PSMD7: variants seen among roughly 807,000 people sequenced by gnomAD.
The protein encoded by PSMD7 is proteasome 26S subunit, non-ATPase 7.
Under a neutral mutation model 36.4 loss-of-function variants are expected in PSMD7, and 13 were observed. The observed-to-expected ratio is 0.36, with a 90% CI of 0.23 to 0.57. The LOEUF (loss-of-function observed/expected upper bound fraction) is 0.57. Among genes scored for constraint, PSMD7 ranks in the 20% least tolerant of loss-of-function variants. The pLI is 0.83. For synonymous variants in PSMD7, 186 were observed against 151.0 expected (o/e 1.23, Z -1.70); for missense variants, 298 against 393.6 (o/e 0.76, Z 2.06).
intron 2 of PSMD7, 182 bp downstream of exon 2, chr16:74,300,388 G>T: frequency 1.6e-6 from 1 of 616,132 alleles, no homozygotes; most frequent in East Asian, 2.8e-5. Flanking sequence ...TAAACTTGCA[G>T]GCCATGTGGT....
chr16:74,301,686 A>T, intron 4 of PSMD7, 34 bp downstream of exon 4: 1 of 1,561,902 alleles, frequency 6.4e-7, no homozygotes, highest in Non-Finnish European at 8.8e-7. Flanking sequence ...CTCTTGAATG[A>T]TTTTTTTTGC....
chr16:74,297,038 A>T (rs755611255), intron 1 of PSMD7, 50 bp downstream of exon 1: 2 of 1,581,800 alleles, frequency 1.3e-6, no homozygotes, highest in South Asian at 2.3e-5. Flanking sequence ...CTGCTGAGTC[A>T]CGGGCACGCT....
intron 5 of PSMD7, 66 bp downstream of exon 5, chr16:74,302,358 T>C: frequency 7.5e-7 from 1 of 1,335,874 alleles, no homozygotes; most frequent in Middle Eastern, 1.9e-4. Context: ...GCTTTTTTTT[T>C]TCAATTTTCA....
At position 74,304,401 on chromosome 16, in the gene PSMD7, C is replaced by T; in HGVS notation, c.530+7C>T. On this transcript the variant is annotated splice_region_variant and intron_variant, in intron 6 of 6. Transcript: ENST00000219313. ...GAGTTGAACACTTGTTACGGTGAGACCCTAGTACAGCATCAAAATCATTCA... is the reference window on the plus strand; with the variant it reads ...GAGTTGAACACTTGTTACGGTGAGATCCTAGTACAGCATCAAAATCATTCA... The T allele has an allele frequency of 6.2e-7, 1 of 1,608,650 alleles. No individual in the cohort carries two copies. The highest frequency in any genetic ancestry group is 8.5e-7 in the Non-Finnish European group (1 of 1,175,188).
In PSMD7 at chr16:74,296,858, T is replaced by G; in HGVS notation, c.-57T>G. Reference sequence around the variant, plus strand: ...CTGAAAGGGTACCGGTGACCGCTACTGCTGCCGGTGTTTGCGTGTGGCAGG... The same window carrying G: ...CTGAAAGGGTACCGGTGACCGCTACGGCTGCCGGTGTTTGCGTGTGGCAGG... On this transcript the variant is annotated 5_prime_UTR_variant, in exon 1 of 7. Coordinates refer to ENST00000219313, the MANE Select transcript of PSMD7 (RefSeq NM_002811.5). 6.3e-7 allele frequency: 1 copy of G among 1,585,456 alleles called. No individual in the cohort carries two copies. Among genetic ancestry groups the G allele is most frequent in the Non-Finnish European group, 8.6e-7 (1 of 1,159,098 alleles).
In PSMD7 at chr16:74,305,862, C is replaced by T; in HGVS notation, c.*129C>T. The T allele has an allele frequency of 9.1e-7, 1 of 1,095,896 alleles. No homozygotes were observed. Among genetic ancestry groups the T allele is most frequent in the Non-Finnish European group, 1.2e-6 (1 of 827,566 alleles). 67.9% of individuals were successfully genotyped at this position (1,095,896 alleles called of 1,614,324 possible). ...CTGACCCAACAAGAGCTCTCTGCCT[C>T]CGGTCACTCTTGCTGTGGTGCTACG... On this transcript the variant is annotated 3_prime_UTR_variant, in exon 7 of 7. Transcript: ENST00000219313.
rs181532050 is a variant in PSMD7 at position 74,304,402 on chromosome 16, C to G, written c.530+8C>G. ...AGTTGAACACTTGTTACGGTGAGAC[C>G]CTAGTACAGCATCAAAATCATTCAC... On this transcript the variant is annotated splice_region_variant and intron_variant, in intron 6 of 6. Coordinates refer to ENST00000219313, the MANE Select transcript of PSMD7 (RefSeq NM_002811.5). 6 of 1,607,514 alleles carry G rather than the reference C, an allele frequency of 3.7e-6. No homozygotes were observed. The highest frequency in any genetic ancestry group is 1.7e-4 in the Middle Eastern group (1 of 6,060).
At chr16:74,301,719 C>T (rs2034156785) in intron 4 of PSMD7, 67 bp downstream of exon 4, 1 of 1,323,862 alleles carries the variant, frequency 7.6e-7, no homozygotes, top group African/African-American at 1.5e-5. Context: ...GTAAGAGCAT[C>T]CTGGGAAGAA....
In PSMD7 at chr16:74,301,110, G is replaced by A; in HGVS notation, c.225G>A (p.Leu75=). 6.2e-7 allele frequency: 1 copy of A among 1,611,810 alleles called. No homozygotes were observed. Among genetic ancestry groups the A allele is most frequent in the Non-Finnish European group, 8.5e-7 (1 of 1,178,308 alleles). ...TATGGTTTTTAGACCATGATTATTT[G>A]GAAAACATGTATGGAATGTTTAAGA... is the stretch of plus-strand genomic sequence containing the variant. ...DSVWFLDHDY[L]ENMYGMFKKV... Residue 75 remains leucine (L), a synonymous_variant, in exon 3 of 7, where the codon TTG becomes TTA. Transcript: ENST00000219313.
chr16:74,305,710 G>C lies in PSMD7; in HGVS notation c.952G>C (p.Glu318Gln). ...TAAGGAAAAGAGTGATGTAAAGAAA[G>C]AGGAGAAAAAGGAGAAAAAGTAAAA... ...KDKEKSDVKK[E>Q]EKKEKK Residue 318 changes from glutamate (E) to glutamine (Q), a missense_variant, in exon 7 of 7, where the codon GAG (glutamate) becomes CAG (glutamine). Glu to Gln is a conservative substitution (Grantham distance 29). Transcript: ENST00000219313. 1 of 1,448,278 alleles carries C rather than the reference G, an allele frequency of 6.9e-7. No homozygotes were observed. The highest frequency in any genetic ancestry group is 9.1e-7 in the Non-Finnish European group (1 of 1,094,984). 89.7% of individuals were successfully genotyped at this position (1,448,278 alleles called of 1,614,324 possible). A position where few individuals can be genotyped will look rare whatever the true frequency, so the allele number is the denominator to read the frequency against.
At chr16:74,303,995 G>T in intron 5 of PSMD7, 2 of 223,194 alleles carry the variant, frequency 9.0e-6, no homozygotes, top group Non-Finnish European at 9.1e-6. Context: ...TGGCCAAAGC[G>T]GTATACTTTT....
chr16:74,297,220 C>A (rs545664905), intron 1 of PSMD7, among the ~76,000 whole-genome samples: 1 of 152,356 alleles, frequency 6.6e-6, no homozygotes, highest in East Asian at 1.9e-4. Flanking sequence ...TTCCGTTTAG[C>A]CTGTTTGTTT....
At chr16:74,305,126 GTAAT>G in intron 6 of PSMD7, 159 bp from the exon 7 acceptor site, 1 of 879,432 alleles carries the variant, frequency 1.1e-6, no homozygotes, top group African/African-American at 1.7e-5. Context: ...CGAAATTAAG[GTAAT>G]TGATAACGAA....
At chr16:74,301,022 C>T (rs775204865) in intron 2 of PSMD7, 30 bp from the exon 3 acceptor site, 3 of 1,452,552 alleles carry the variant, frequency 2.1e-6, no homozygotes, top group Non-Finnish European at 2.9e-6. Context: ...CTATCAAGCA[C>T]CCTAAACTAA....
In PSMD7 at chr16:74,302,215, T is replaced by C. The variant is rs2034161444; in HGVS notation, c.361T>C (p.Leu121=). 2.5e-6 allele frequency: 4 copies of C among 1,613,570 alleles called. No individual in the cohort carries two copies. Among genetic ancestry groups the C allele is most frequent in the Admixed American group, 1.7e-5 (1 of 59,922 alleles). The change falls in exon 5 of 7, where the codon TTG becomes CTG. Residue 121 remains leucine (L), a synonymous_variant. Transcript: ENST00000219313. ...LMKRYCPNSV[L]VIIDVKPKDL... The stretch of plus-strand genomic sequence containing the variant: ...CTAAGATGTGTTTCTCTGCCAGGTA[T>C]TGGTCATCATTGATGTGAAGCCGAA...
Position 74,296,920 on chromosome 16 carries a change from G to C in PSMD7, c.6G>C (p.Pro2=), listed in dbSNP as rs1304854460. The C allele has an allele frequency of 3.7e-6, 6 of 1,613,388 alleles. No homozygotes were observed. Among genetic ancestry groups the C allele is most frequent in the Non-Finnish European group, 5.1e-6 (6 of 1,179,842 alleles). Residue 2 remains proline (P), a synonymous_variant, in exon 1 of 7, where the codon CCG becomes CCC. Transcript: ENST00000219313. Reference sequence around the variant, plus strand: ...GGCGAGCGGGGTGTGTCGCGATGCCGGAGCTGGCAGTGCAGAAGGTGGTGG... The same window carrying C: ...GGCGAGCGGGGTGTGTCGCGATGCCCGAGCTGGCAGTGCAGAAGGTGGTGG... The part of the protein sequence containing the change: M[P]ELAVQKVVVH...
At chr16:74,303,503 A>C (rs984948576) in intron 5 of PSMD7, among the ~76,000 whole-genome samples, 6 of 152,312 alleles carry the variant, frequency 3.9e-5, no homozygotes, top group African/African-American at 1.4e-4. Context: ...GTATCTTCGA[A>C]GTCCCTTCAG....
At position 74,301,125 on chromosome 16, in the gene PSMD7, A is replaced by G. The variant is rs778369795; in HGVS notation, c.240A>G (p.Gly80=). ...ATGATTATTTGGAAAACATGTATGGAATGTTTAAGAAAGTCAATGGTATGT... is the reference window on the plus strand; with the variant it reads ...ATGATTATTTGGAAAACATGTATGGGATGTTTAAGAAAGTCAATGGTATGT... ...LDHDYLENMY[G]MFKKVNARER... Residue 80 remains glycine, a synonymous_variant, in exon 3 of 7, where the codon GGA becomes GGG. Transcript: ENST00000219313. 5.0e-6 allele frequency: 8 copies of G among 1,608,688 alleles called. No individual in the cohort carries two copies. In the South Asian group the frequency reaches 8.8e-5, roughly 18 times the overall value.
intron 5 of PSMD7, 111 bp from the exon 6 acceptor site, chr16:74,304,192 A>T: frequency 1.1e-6 from 1 of 894,806 alleles, no homozygotes; most frequent in Non-Finnish European, 1.8e-6. Context: ...ATTCTCAGTC[A>T]TGCACTCATT....
Sources: allele counts gnomAD v4.1 joint callset (sites outside exome capture counted in the v4.1 genomes callset), GRCh38; gene constraint gnomAD v4.1.1; transcripts MANE v1.5; gene names NCBI Gene and HGNC (gene_info 2026-07-23, HGNC 2026-07-21).